Variants in ASPH observed in about 807,000 individuals in gnomAD.
The protein encoded by ASPH is aspartate beta-hydroxylase.
Under a neutral mutation model 118.4 loss-of-function variants are expected in ASPH, and 100 were observed. The observed-to-expected ratio is 0.84, with a 90% CI of 0.72 to 1.00. The LOEUF (loss-of-function observed/expected upper bound fraction) is 1.00, where lower values mean the gene tolerates loss of function less well. Ranked by LOEUF, ASPH falls within the 50% of genes least tolerant of loss-of-function variation. ASPH has a pLI of 0.00. For synonymous variants in ASPH, 315 were observed against 325.6 expected, an observed-to-expected ratio of 0.97 and a Z score of 0.35; for missense variants, 920 against 919.5, an observed-to-expected ratio of 1.00 and a Z score of -0.01.
At chr8:61,601,632 A>G (rs932812328) in intron 14 of ASPH, among the ~76,000 whole-genome samples, 3 of 151,186 alleles carry the variant, frequency 2.0e-5, no homozygotes, top group Admixed American at 1.3e-4. Flanking sequence ...ATAAAGATCA[A>G]GGTACATATT....
At chr8:61,681,839 T>A (rs548955137) in intron 2 of ASPH, among the ~76,000 whole-genome samples, 40 of 152,054 alleles carry the variant, frequency 2.6e-4, no homozygotes, top group African/African-American at 9.6e-4. Flanking sequence ...TTGTTTAGCA[T>A]TTCAAAAAGT....
chr8:61,517,615 G>C lies in ASPH; in HGVS notation c.2039C>G (p.Thr680Arg). ...TCGGAGCCTGCAGTTTGTGGGCCCT[G>C]TGTGCGGCCACACGTGAGTCCCGGG... ...MHPGTHVWPHTGPTNCRLRMH... is the reference protein window; with the variant it reads ...MHPGTHVWPHRGPTNCRLRMH... Residue 680 changes from threonine (T) to arginine (R), a missense_variant, in exon 24 of 25, where the codon ACA (threonine) becomes AGA (arginine). Transcript: ENST00000379454. The C allele has an allele frequency of 6.2e-7, 1 of 1,614,124 alleles. No homozygotes were observed. The highest frequency in any genetic ancestry group is 8.5e-7 in the Non-Finnish European group (1 of 1,179,964).
chr8:61,681,809 T>C (rs2151633117), intron 2 of ASPH, among the ~76,000 whole-genome samples: 1 of 152,018 alleles, frequency 6.6e-6, no homozygotes, highest in Non-Finnish European at 1.5e-5. Context: ...TAGTGCTTTA[T>C]CATAAGGAAC....
At chr8:61,571,754 A>C (rs1833550107) in intron 16 of ASPH, among the ~76,000 whole-genome samples, 1 of 152,278 alleles carries the variant, frequency 6.6e-6, no homozygotes, top group Admixed American at 6.5e-5. Context: ...GGTATAAAAC[A>C]TTTTTGCCAT....
intron 1 of ASPH, chr8:61,689,672 C>A: frequency 6.3e-7 from 1 of 1,589,258 alleles, no homozygotes; most frequent in Non-Finnish European, 8.6e-7. Flanking sequence ...CAAAAATATA[C>A]CTTTATCTTC....
chr8:61,579,692 C>T, intron 15 of ASPH: 4 of 1,232,432 alleles, frequency 3.2e-6, no homozygotes, highest in South Asian at 2.4e-5. Flanking sequence ...CAGCCCCTCC[C>T]AGCCTACCCC....
At chr8:61,627,553 A>T (rs1273858547) in intron 13 of ASPH, among the ~76,000 whole-genome samples, 1 of 152,188 alleles carries the variant, frequency 6.6e-6, no homozygotes, top group East Asian at 1.9e-4. Context: ...GCATTTCCAC[A>T]TGTATAAATT....
chr8:61,702,289 T>C (rs1835417597), intron 1 of ASPH, among the ~76,000 whole-genome samples: 1 of 106,694 alleles, frequency 9.4e-6, no homozygotes, highest in Non-Finnish European at 2.1e-5. Flanking sequence ...TCTTTTTTTT[T>C]TTTTTTTTTT....
At chr8:61,527,503 T>C (rs1229414672) in intron 21 of ASPH, among the ~76,000 whole-genome samples, 1 of 152,252 alleles carries the variant, frequency 6.6e-6, no homozygotes, top group African/African-American at 2.4e-5. Flanking sequence ...TAAAATATTC[T>C]AGGGCAAGAA....
At chr8:61,507,819 G>A (rs143675635) in intron 24 of ASPH, among the ~76,000 whole-genome samples, 1 of 152,262 alleles carries the variant, frequency 6.6e-6, no homozygotes, top group East Asian at 1.9e-4. Flanking sequence ...CTCGAATTAC[G>A]ACATACAATC....
At chr8:61,564,299 T>G (rs940561639) in intron 17 of ASPH, among the ~76,000 whole-genome samples, 1 of 144,560 alleles carries the variant, frequency 6.9e-6, no homozygotes, top group Admixed American at 6.9e-5. Flanking sequence ...TGCTGATTCT[T>G]TTTTTTTTTT....
intron 1 of ASPH, among the ~76,000 whole-genome samples, chr8:61,689,056 T>C (rs566099383): frequency 1.4e-4 from 21 of 152,316 alleles, no homozygotes; most frequent in African/African-American, 4.3e-4. Flanking sequence ...GAATGCAGTC[T>C]TTCAATTAAT....
intron 13 of ASPH, among the ~76,000 whole-genome samples, chr8:61,620,852 C>T (rs1378595616): frequency 6.6e-6 from 1 of 152,168 alleles, no homozygotes; most frequent in African/African-American, 2.4e-5. Flanking sequence ...GGGTGCTGGT[C>T]ATGAAGGGGA....
At chr8:61,662,432 G>A (rs1320874517) in intron 3 of ASPH, among the ~76,000 whole-genome samples, 1 of 152,008 alleles carries the variant, frequency 6.6e-6, no homozygotes, top group Non-Finnish European at 1.5e-5. Context: ...CGTTGTAGCT[G>A]GCTTATTTAA....
chr8:61,682,574 C>A, intron 2 of ASPH: 1 of 1,226,044 alleles, frequency 8.2e-7, no homozygotes, highest in Admixed American at 1.8e-5. Flanking sequence ...TCCCTAACAA[C>A]ATATCACTGT....
chr8:61,577,056 A>G (rs1413701567), intron 15 of ASPH, among the ~76,000 whole-genome samples, 198 bp from the exon 16 acceptor site: 3 of 152,138 alleles, frequency 2.0e-5, no homozygotes, highest in Non-Finnish European at 2.9e-5. Flanking sequence ...TATTTACTTC[A>G]TTTTTAAAAA....
chr8:61,519,851 G>T (rs1812317121), intron 22 of ASPH, among the ~76,000 whole-genome samples: 1 of 152,132 alleles, frequency 6.6e-6, no homozygotes, highest in Non-Finnish European at 1.5e-5. Context: ...AGCTCAGTGT[G>T]ATCTATTGTA....
intron 1 of ASPH, among the ~76,000 whole-genome samples, chr8:61,694,164 G>A (rs1369305453): frequency 2.6e-5 from 4 of 152,056 alleles, no homozygotes; most frequent in Non-Finnish European, 5.9e-5. Context: ...CCCTCAGCAG[G>A]AAGCTATCCT....
chr8:61,605,706 C>T (rs1017867161), intron 14 of ASPH, among the ~76,000 whole-genome samples: 5 of 152,148 alleles, frequency 3.3e-5, no homozygotes, highest in East Asian at 1.9e-4. Flanking sequence ...GAGCCTTGAC[C>T]TCCAGCATCA....
Sources: gnomAD v4.1 joint callset for allele counts (sites outside exome capture counted in the v4.1 genomes callset) on GRCh38, gnomAD v4.1.1 for gene constraint, MANE v1.5 for transcripts, NCBI Gene and HGNC (gene_info 2026-07-23, HGNC 2026-07-21) for gene names.